The following ABLIM1 variants were observed in gnomAD, a reference collection of about 807,000 sequenced individuals.
The protein encoded by ABLIM1 is actin binding LIM protein 1, also known as actin-binding LIM protein 1.
In ABLIM1, 40 loss-of-function variants were observed where a neutral mutation model predicts 107.0. The observed-to-expected ratio is 0.37, with a 90% confidence interval of 0.29 to 0.49. The LOEUF is 0.49. Ranked by LOEUF, ABLIM1 falls within the 20% of genes least tolerant of loss-of-function variation. The pLI is 0.97. For synonymous variants in ABLIM1, 357 were observed against 357.3 expected (o/e 1.00, Z 0.01); for missense variants, 857 against 1,008.5 (o/e 0.85, Z 2.04).
At chr10:114,752,723 G>A (rs963624909) in intron 1 of ABLIM1, among the ~76,000 whole-genome samples, 2 of 152,158 alleles carry the variant, frequency 1.3e-5, no homozygotes, top group Non-Finnish European at 2.9e-5. Flanking sequence ...AGTTTGCTGA[G>A]GATAATGGCT....
At chr10:114,592,906 G>C (rs899244610) in intron 2 of ABLIM1, among the ~76,000 whole-genome samples, 2 of 152,112 alleles carry the variant, frequency 1.3e-5, no homozygotes, top group African/African-American at 4.8e-5. Flanking sequence ...AGTTTGGTTT[G>C]AGATGTCTAC....
chr10:114,581,410 T>C (rs1156491922), intron 2 of ABLIM1, among the ~76,000 whole-genome samples: 1 of 152,182 alleles, frequency 6.6e-6, no homozygotes, highest in Non-Finnish European at 1.5e-5. Context: ...TGTTCACTAG[T>C]TCATACTGCC....
intron 12 of ABLIM1, 121 bp downstream of exon 12, chr10:114,465,577 C>T: frequency 7.6e-7 from 1 of 1,309,622 alleles, no homozygotes; most frequent in South Asian, 1.6e-5. Flanking sequence ...TTTCATTTTG[C>T]TCTGGGAGAG....
intron 7 of ABLIM1, among the ~76,000 whole-genome samples, chr10:114,491,026 GGTCTATTT>G (rs2058921304): frequency 1.4e-5 from 1 of 70,286 alleles, no homozygotes; most frequent in African/African-American, 5.9e-5. Flanking sequence ...ATATATATAT[GGTCTATTT>G]TATATATATA....
chr10:114,550,178 A>C (rs754213796), intron 4 of ABLIM1, among the ~76,000 whole-genome samples: 13 of 152,180 alleles, frequency 8.5e-5, no homozygotes, highest in Non-Finnish European at 1.5e-4. Flanking sequence ...ATATGAGTGT[A>C]TATTAGATGG....
intron 1 of ABLIM1, among the ~76,000 whole-genome samples, chr10:114,704,277 T>G (rs923954582): frequency 0.021 from 513 of 24,068 alleles, 2 homozygotes; most frequent in African/African-American, 0.062. Flanking sequence ...TCTCGCTCTC[T>G]CTCTCTCTCT....
intron 2 of ABLIM1, among the ~76,000 whole-genome samples, chr10:114,585,660 C>G (rs1205435168): frequency 1.3e-5 from 2 of 152,134 alleles, no homozygotes; most frequent in Non-Finnish European, 2.9e-5. Context: ...TCCCAAACAC[C>G]AGCACTTTAC....
At position 114,552,923 on chromosome 10, in the gene ABLIM1, A is replaced by C. The variant is rs114032277; in HGVS notation, c.674-5147T>G. ...AGAGTTAGGTCTTGGGTTCTTTACAAGCACTTCAGTGCTCAGACATCCCAG... is the reference window on the plus strand; with the variant it reads ...AGAGTTAGGTCTTGGGTTCTTTACACGCACTTCAGTGCTCAGACATCCCAG... On this transcript the variant is annotated intron_variant, in intron 4 of 22. Transcript: ENST00000533213. Among the ~76,000 whole-genome samples, 433 of 152,326 alleles carry C rather than the reference A, an allele frequency of 2.8e-3. 5 individuals are homozygous for C. Among genetic ancestry groups the C allele is most frequent in the African/African-American group, 0.01 (420 of 41,582 alleles).
chr10:114,706,425 T>G (rs1196678607), intron 1 of ABLIM1, among the ~76,000 whole-genome samples: 3 of 152,228 alleles, frequency 2.0e-5, no homozygotes, highest in Non-Finnish European at 4.4e-5. Context: ...AAACTATGAG[T>G]TATTCTCACA....
chr10:114,571,721 C>T (rs2071711904), intron 3 of ABLIM1, among the ~76,000 whole-genome samples: 1 of 152,120 alleles, frequency 6.6e-6, no homozygotes, highest in African/African-American at 2.4e-5. Flanking sequence ...CAGTAAGTTT[C>T]CAAATGGAAA....
At chr10:114,680,964 C>CCTGGTGAGT (rs1302938182) in intron 1 of ABLIM1, among the ~76,000 whole-genome samples, 1 of 152,146 alleles carries the variant, frequency 6.6e-6, no homozygotes, top group Non-Finnish European at 1.5e-5. Context: ...CTCTATGACT[C>CCTGGTGAGT]ACCAGGAGAC....
At chr10:114,581,220 T>G (rs964638013) in intron 2 of ABLIM1, among the ~76,000 whole-genome samples, 11 of 152,158 alleles carry the variant, frequency 7.2e-5, no homozygotes, top group South Asian at 6.2e-4. Flanking sequence ...GAGCTGCCCA[T>G]GTAGTAAAAA....
At chr10:114,437,309 TTTTC>T (rs1423270064) in intron 22 of ABLIM1, among the ~76,000 whole-genome samples, 35 of 150,832 alleles carry the variant, frequency 2.3e-4, no homozygotes, top group African/African-American at 6.4e-4. Flanking sequence ...CTTTTTTTCT[TTTTC>T]TTTCTTTCTT....
In ABLIM1 at chr10:114,444,152, GAAAAA is replaced by G; in HGVS notation, c.1828-23_1828-19del. ...GAGTTAAGCTATTCACAGAAAAAAG[GAAAAA>G]AAAAAAAAAAAGAAAGCAAAGCTTG... On this transcript the variant is annotated intron_variant, in intron 16 of 22. Coordinates refer to ENST00000533213, the MANE Select transcript of ABLIM1 (RefSeq NM_002313.7). 38 of 1,276,070 alleles carry G rather than the reference GAAAAA, an allele frequency of 3.0e-5. 1 individual carries two copies. The highest frequency in any genetic ancestry group is 6.0e-5 in the South Asian group (4 of 67,014). The allele number at this position is 1,276,070 out of a possible 1,614,324, so 79.0% of individuals were successfully genotyped here. A position where few individuals can be genotyped will look rare whatever the true frequency, so the allele number is the denominator to read the frequency against.
At chr10:114,597,356 A>T (rs146720857) in intron 2 of ABLIM1, among the ~76,000 whole-genome samples, 6 of 152,304 alleles carry the variant, frequency 3.9e-5, no homozygotes, top group Non-Finnish European at 8.8e-5. Flanking sequence ...AGCCCTGTCA[A>T]GATGGTGCAG....
At chr10:114,710,507 T>C (rs1228416925) in intron 1 of ABLIM1, among the ~76,000 whole-genome samples, 1 of 152,182 alleles carries the variant, frequency 6.6e-6, no homozygotes, top group Non-Finnish European at 1.5e-5. Flanking sequence ...ACCATCCCCA[T>C]ATTAAATTAT....
chr10:114,719,067 GGCAA>G (rs1187222064), intron 1 of ABLIM1, among the ~76,000 whole-genome samples: 1 of 152,102 alleles, frequency 6.6e-6, no homozygotes, highest in Non-Finnish European at 1.5e-5. Flanking sequence ...GGGTAAACCT[GGCAA>G]GAATGGCCTG....
In ABLIM1 at chr10:114,644,468, T is replaced by G. The variant is rs555015580; in HGVS notation, c.244+13489A>C. ...ATGCCATGGAATTCTCAGGACAAGA[T>G]TTTCATTCAATATGGAATCATTGCC... On this transcript the variant is annotated intron_variant, in intron 1 of 22. Transcript: ENST00000533213. Among the ~76,000 whole-genome samples, 11 of 151,372 alleles carry G rather than the reference T, an allele frequency of 7.3e-5. No individual in the cohort carries two copies. In the South Asian group the frequency reaches 2.3e-3, roughly 32 times the overall value.
intron 1 of ABLIM1, among the ~76,000 whole-genome samples, chr10:114,679,367 G>A (rs753196395): frequency 2.0e-5 from 3 of 152,074 alleles, no homozygotes; most frequent in Non-Finnish European, 2.9e-5. Context: ...GGGAGTGGTG[G>A]CTCATGTCTG....
Sources: allele counts gnomAD v4.1 joint callset (sites outside exome capture counted in the v4.1 genomes callset), GRCh38; gene constraint gnomAD v4.1.1; transcripts MANE v1.5; gene names NCBI Gene and HGNC (gene_info 2026-07-23, HGNC 2026-07-21).